Variants in CENPP observed in about 807,000 individuals in gnomAD.
CENPP encodes centromere protein P.
In CENPP, 24 loss-of-function variants were observed where a neutral mutation model predicts 35.6. That is an observed-to-expected ratio of 0.67 (90% CI 0.49 to 0.95). The LOEUF is 0.95. CENPP is among the 40% of genes least tolerant of loss of function. The probability of loss-of-function intolerance (pLI) is 0.00; values close to 1 mark genes in which losing one functional copy is unlikely to be tolerated. For missense variants in CENPP, 332 were observed against 345.3 expected (o/e 0.96, Z 0.31); for synonymous variants, 120 against 125.5 (o/e 0.96, Z 0.29).
intron 5 of CENPP, among the ~76,000 whole-genome samples, chr9:92,468,207 G>A (rs1033788947): frequency 3.3e-5 from 5 of 152,194 alleles, no homozygotes; most frequent in African/African-American, 1.2e-4. Flanking sequence ...ACATGCAGTT[G>A]TTGGAACTGC....
chr9:92,462,184 G>A (rs1845140910), intron 5 of CENPP, among the ~76,000 whole-genome samples: 1 of 152,094 alleles, frequency 6.6e-6, no homozygotes, highest in Non-Finnish European at 1.5e-5. Context: ...TACCATATTG[G>A]CCAGACTGGT....
chr9:92,599,796 G>A (rs1299045051), intron 5 of CENPP, among the ~76,000 whole-genome samples: 1 of 152,146 alleles, frequency 6.6e-6, no homozygotes, highest in Non-Finnish European at 1.5e-5. Flanking sequence ...AAAGTATGGT[G>A]TAGCTCCCAC....
At position 92,475,045 on chromosome 9, in the gene CENPP, A is replaced by G. The variant is rs989844906; in HGVS notation, c.564+95186A>G. The G allele has an allele frequency of 1.1e-5, 12 of 1,096,196 alleles. No individual in the cohort carries two copies. In the Admixed American group the frequency reaches 1.6e-4, roughly 15 times the overall value. 67.9% of individuals were successfully genotyped at this position (1,096,196 alleles called of 1,614,324 possible). A position where few individuals can be genotyped will look rare whatever the true frequency, so the allele number is the denominator to read the frequency against. The stretch of plus-strand genomic sequence containing the variant: ...TAATCCATTGCTTAGCTAATCTGAG[A>G]GTAAATTTATAAAGATTTTTGGAAA... On this transcript the variant is annotated intron_variant, in intron 5 of 7. Coordinates refer to ENST00000375587, the MANE Select transcript of CENPP (RefSeq NM_001012267.3).
intron 2 of CENPP, among the ~76,000 whole-genome samples, chr9:92,334,426 G>A (rs1160668470): frequency 1.3e-5 from 2 of 151,982 alleles, no homozygotes; most frequent in Non-Finnish European, 2.9e-5. Flanking sequence ...GCCGAGAGTA[G>A]TATTTTAATT....
At chr9:92,379,537 G>A (rs551839259) in intron 4 of CENPP, among the ~76,000 whole-genome samples, 5 of 152,244 alleles carry the variant, frequency 3.3e-5, no homozygotes, top group Non-Finnish European at 7.4e-5. Flanking sequence ...TAAATAATAC[G>A]TAGACTTAAA....
intron 5 of CENPP, among the ~76,000 whole-genome samples, chr9:92,538,817 A>G (rs766324250): frequency 6.6e-6 from 1 of 152,190 alleles, no homozygotes; most frequent in Non-Finnish European, 1.5e-5. Flanking sequence ...CAGAGTGAGC[A>G]TTACCCGTGC....
intron 5 of CENPP, among the ~76,000 whole-genome samples, chr9:92,525,538 C>G (rs1020897136): frequency 6.6e-6 from 1 of 152,102 alleles, no homozygotes; most frequent in Non-Finnish European, 1.5e-5. Flanking sequence ...TAACGCATTA[C>G]TCATAATGTT....
At chr9:92,491,565 G>A (rs1846172705) in intron 5 of CENPP, among the ~76,000 whole-genome samples, 1 of 152,026 alleles carries the variant, frequency 6.6e-6, no homozygotes, top group Admixed American at 6.6e-5. Context: ...CGTCTTTACT[G>A]TCCTCTCCTT....
At chr9:92,388,658 C>A (rs1842537809) in intron 5 of CENPP, among the ~76,000 whole-genome samples, 1 of 151,664 alleles carries the variant, frequency 6.6e-6, no homozygotes, top group Admixed American at 6.6e-5. Flanking sequence ...CTGGCCAACA[C>A]CCATCTCTAC....
intron 5 of CENPP, among the ~76,000 whole-genome samples, chr9:92,538,813 G>C (rs910192836): frequency 1.3e-5 from 2 of 152,188 alleles, no homozygotes; most frequent in African/African-American, 4.8e-5. Context: ...TGAGCAGAGT[G>C]AGCATTACCC....
chr9:92,585,247 A>T (rs1225079717), intron 5 of CENPP, among the ~76,000 whole-genome samples: 2 of 152,210 alleles, frequency 1.3e-5, no homozygotes, highest in Non-Finnish European at 2.9e-5. Context: ...ACATTTTAGA[A>T]ATATAGTCTT....
intron 5 of CENPP, 53 bp from the exon 6 acceptor site, chr9:92,611,261 G>A: frequency 6.9e-7 from 1 of 1,454,630 alleles, no homozygotes; most frequent in East Asian, 2.3e-5. Flanking sequence ...CCCTCCCATG[G>A]CCCCTTTCTC....
At chr9:92,370,959 C>G (rs990712246) in intron 4 of CENPP, among the ~76,000 whole-genome samples, 1 of 152,058 alleles carries the variant, frequency 6.6e-6, no homozygotes, top group East Asian at 1.9e-4. Flanking sequence ...TGTATTGTCT[C>G]CATTTTCATT....
In CENPP at chr9:92,619,097, C is replaced by T. The variant is rs1851540103; in HGVS notation, c.*5948C>T. The stretch of plus-strand genomic sequence containing the variant: ...GACTGTGGTGGTAAAAAGGCAGGTG[C>T]GCCATGCTGCCACTGTGGGAGACCG... On this transcript the variant is annotated 3_prime_UTR_variant, in exon 8 of 8. Coordinates refer to ENST00000375587, the MANE Select transcript of CENPP (RefSeq NM_001012267.3). 8.8e-6 allele frequency: 2 copies of T among 226,800 alleles called. No homozygotes were observed. The highest frequency in any genetic ancestry group is 1.0e-4 in the East Asian group (1 of 9,846). The allele number at this position is 226,800 out of a possible 1,614,324, so 14.0% of individuals were successfully genotyped here.
At chr9:92,445,076 C>G (rs573059668) in intron 5 of CENPP, among the ~76,000 whole-genome samples, 1 of 152,256 alleles carries the variant, frequency 6.6e-6, no homozygotes, top group East Asian at 1.9e-4. Context: ...ACTGCAGATG[C>G]TTCTGCACTA....
At chr9:92,465,719 A>G (rs1845278583) in intron 5 of CENPP, among the ~76,000 whole-genome samples, 1 of 152,204 alleles carries the variant, frequency 6.6e-6, no homozygotes, top group African/African-American at 2.4e-5. Context: ...TTTGTGTATT[A>G]TATTTGAGTA....
intron 5 of CENPP, among the ~76,000 whole-genome samples, chr9:92,534,103 A>G (rs1210493940): frequency 6.6e-6 from 1 of 152,086 alleles, no homozygotes; most frequent in East Asian, 1.9e-4. Context: ...ATGACTGTTC[A>G]AGGGTACATT....
At position 92,616,000 on chromosome 9, in the gene CENPP, A is replaced by G; in HGVS notation, c.*2851A>G. 2 of 1,614,220 alleles carry G rather than the reference A, an allele frequency of 1.2e-6. No individual in the cohort carries two copies. Among genetic ancestry groups the G allele is most frequent in the Non-Finnish European group, 1.7e-6 (2 of 1,180,036 alleles). On this transcript the variant is annotated 3_prime_UTR_variant, in exon 8 of 8. Coordinates refer to ENST00000375587, the MANE Select transcript of CENPP (RefSeq NM_001012267.3). The stretch of plus-strand genomic sequence containing the variant: ...AGGGCTTGAGGTCAAGGTCCAGCAC[A>G]GACACGGAAAAGGCAAACCTGGACC...
At position 92,415,346 on chromosome 9, in the gene CENPP, G is replaced by A. The variant is rs1390215556; in HGVS notation, c.564+35487G>A. On this transcript the variant is annotated intron_variant, in intron 5 of 7. Transcript: ENST00000375587. Reference sequence around the variant, plus strand: ...CGTTGTTCACCATAATAAATAGTGTGTATATGAGGGAAGCAGAAGAAGATG... The same window carrying A: ...CGTTGTTCACCATAATAAATAGTGTATATATGAGGGAAGCAGAAGAAGATG... 3.7e-6 allele frequency: 6 copies of A among 1,613,318 alleles called. No homozygotes were observed. Among genetic ancestry groups the A allele is most frequent in the East Asian group, 2.2e-5 (1 of 44,792 alleles).
Sources: gnomAD v4.1 joint callset for allele counts (sites outside exome capture counted in the v4.1 genomes callset) on GRCh38, gnomAD v4.1.1 for gene constraint, MANE v1.5 for transcripts, NCBI Gene and HGNC (gene_info 2026-07-23, HGNC 2026-07-21) for gene names.